Variants in CYP4F22 observed in about 807,000 individuals in gnomAD.
CYP4F22 encodes the protein ultra-long-chain fatty acid omega-hydroxylase.
CYP4F22 carries 37 observed loss-of-function variants against 60.4 expected under a neutral mutation model. The ratio of observed to expected loss-of-function variants is 0.61; its 90% CI spans 0.47 to 0.81. The LOEUF is 0.81. CYP4F22 is among the 30% of genes least tolerant of loss of function. CYP4F22 has a pLI of 0.00. For synonymous variants in CYP4F22, 258 were observed against 280.5 expected, an observed-to-expected ratio of 0.92 and a Z score of 0.80; for missense variants, 655 against 715.0, an observed-to-expected ratio of 0.92 and a Z score of 0.96.
intron 10 of CYP4F22, among the ~76,000 whole-genome samples, chr19:15,547,042 A>C (rs1361411125): frequency 4.1e-5 from 1 of 24,204 alleles, no homozygotes; most frequent in East Asian, 5.7e-3. Flanking sequence ...TTTTTTTTTA[A>C]GACAAGAGTC....
intron 4 of CYP4F22, among the ~76,000 whole-genome samples, chr19:15,530,253 T>C (rs1408782698): frequency 6.6e-6 from 1 of 152,204 alleles, no homozygotes; most frequent in Non-Finnish European, 1.5e-5. Flanking sequence ...TTGGGCTGAC[T>C]CTGACTGGCA....
In CYP4F22 at chr19:15,537,590, G is replaced by A; in HGVS notation, c.477G>A (p.Leu159=). The A allele has an allele frequency of 6.2e-7, 1 of 1,614,174 alleles. No individual in the cohort carries two copies. Among genetic ancestry groups the A allele is most frequent in the Non-Finnish European group, 8.5e-7 (1 of 1,180,040 alleles). ...AGTGGAGCCGGCACCGTCGCCTGCT[G>A]ACACCCGCCTTCCACTTTGACATCC... ...GDKWSRHRRL[L]TPAFHFDILK... is the part of the protein sequence containing the mutation. Residue 159 remains leucine (L), a synonymous_variant, in exon 6 of 14, where the codon CTG becomes CTA. Transcript: ENST00000269703.
Position 15,551,332 on chromosome 19 carries a change from G to C in CYP4F22, c.1457G>C (p.Arg486Pro). The C allele has an allele frequency of 6.2e-7, 1 of 1,613,532 alleles. No individual in the cohort carries two copies. The highest frequency in any genetic ancestry group is 1.3e-5 in the African/African-American group (1 of 75,044). Residue 486 changes from arginine to proline, a missense_variant, in exon 14 of 14, where the codon CGC (arginine) becomes CCC (proline). By Grantham distance (103) the Arg-to-Pro change is moderately radical. Coordinates refer to ENST00000269703, the MANE Select transcript of CYP4F22 (RefSeq NM_173483.4). ...IGQSFAMAEL[R>P]VVVALTLLRF... ...CAGAGCTTCGCCATGGCCGAGTTGC[G>C]CGTGGTTGTGGCACTAACACTGCTA...
Position 15,551,352 on chromosome 19 carries a change from C to T in CYP4F22, c.1477C>T (p.Leu493=). The T allele has an allele frequency of 3.7e-6, 6 of 1,613,498 alleles. No homozygotes were observed. Among genetic ancestry groups the T allele is most frequent in the Non-Finnish European group, 4.2e-6 (5 of 1,179,750 alleles). ...GTTGCGCGTGGTTGTGGCACTAACA[C>T]TGCTACGTTTCCGCCTGAGCGTGGA... The part of the protein sequence containing the change: ...AELRVVVALT[L]LRFRLSVDRT... The change falls in exon 14 of 14, where the codon CTG becomes TTG. Residue 493 remains leucine, a synonymous_variant. Transcript: ENST00000269703.
intron 8 of CYP4F22, among the ~76,000 whole-genome samples, chr19:15,543,518 A>G (rs537121568): frequency 1.3e-5 from 2 of 152,206 alleles, no homozygotes; most frequent in South Asian, 4.1e-4. Context: ...GACAAGTTGC[A>G]TACTTCCATC....
chr19:15,518,711 G>T (rs1238749625), intron 1 of CYP4F22, among the ~76,000 whole-genome samples: 1 of 143,148 alleles, frequency 7.0e-6, no homozygotes, highest in East Asian at 2.0e-4. Context: ...AAGAAAAACC[G>T]TGAAAACAAA....
At chr19:15,533,576 G>A (rs1971365375) in intron 4 of CYP4F22, among the ~76,000 whole-genome samples, 1 of 149,984 alleles carries the variant, frequency 6.7e-6, no homozygotes, top group Non-Finnish European at 1.5e-5. Flanking sequence ...CGTTGTAGTA[G>A]GAATCAGTTT....
chr19:15,531,267 C>G (rs768701315), intron 4 of CYP4F22, among the ~76,000 whole-genome samples: 5 of 151,864 alleles, frequency 3.3e-5, no homozygotes, highest in Non-Finnish European at 5.9e-5. Flanking sequence ...GCAGTCCCAG[C>G]TACTCAGGAG....
chr19:15,540,573 G>T lies in CYP4F22; in HGVS notation c.795G>T (p.Arg265=). The T allele has an allele frequency of 1.2e-6, 2 of 1,614,224 alleles. No homozygotes were observed. Among genetic ancestry groups the T allele is most frequent in the Non-Finnish European group, 1.7e-6 (2 of 1,180,046 alleles). The part of the protein sequence containing the change: ...YYRSADGRRF[R]QACDMVHHFT... The stretch of plus-strand genomic sequence containing the variant: ...GCTCGGCGGATGGGCGGAGGTTCCG[G>T]CAGGCCTGTGACATGGTGCACCACT... Residue 265 remains arginine (R), a synonymous_variant, in exon 8 of 14, where the codon CGG becomes CGT. Transcript: ENST00000269703.
At chr19:15,539,281 G>A (rs1475745444) in intron 7 of CYP4F22, among the ~76,000 whole-genome samples, 1 of 152,120 alleles carries the variant, frequency 6.6e-6, no homozygotes, top group African/African-American at 2.4e-5. Context: ...ATTTCACACG[G>A]ATGGAATCAT....
intron 1 of CYP4F22, among the ~76,000 whole-genome samples, chr19:15,523,434 A>G (rs1971247078): frequency 6.6e-6 from 1 of 152,164 alleles, no homozygotes; most frequent in Non-Finnish European, 1.5e-5. Flanking sequence ...AGACAGCGCC[A>G]AGGGGATGGT....
At chr19:15,512,051 C>T (rs1971098892) in intron 1 of CYP4F22, among the ~76,000 whole-genome samples, 1 of 152,204 alleles carries the variant, frequency 6.6e-6, no homozygotes, top group Non-Finnish European at 1.5e-5. Flanking sequence ...AGGGTGTCAC[C>T]TTTGAATTGC....
intron 11 of CYP4F22, among the ~76,000 whole-genome samples, chr19:15,548,493 G>A (rs1465576467): frequency 6.6e-6 from 1 of 152,180 alleles, no homozygotes; most frequent in Non-Finnish European, 1.5e-5. Context: ...TGCAGTTGGG[G>A]AGGGTCAGTT....
At chr19:15,516,269 C>T (rs1971154152) in intron 1 of CYP4F22, among the ~76,000 whole-genome samples, 2 of 152,234 alleles carry the variant, frequency 1.3e-5, no homozygotes, top group Non-Finnish European at 2.9e-5. Flanking sequence ...TCCCAGCTCG[C>T]AGCCCATGCC....
At chr19:15,516,489 C>T (rs1266668624) in intron 1 of CYP4F22, among the ~76,000 whole-genome samples, 1 of 152,194 alleles carries the variant, frequency 6.6e-6, no homozygotes, top group African/African-American at 2.4e-5. Flanking sequence ...AATTGCTTCC[C>T]TCCTTTGTTC....
chr19:15,510,966 A>ATATATATATATATATATTTTTTTTTT (rs34055543), intron 1 of CYP4F22, among the ~76,000 whole-genome samples: 2 of 103,334 alleles, frequency 1.9e-5, no homozygotes, highest in African/African-American at 9.2e-5. Context: ...ATATATATAT[A>ATATATATATATATATATTTTTTTTTT]TTTTTTTTTT....
At chr19:15,520,511 G>C (rs193239049) in intron 1 of CYP4F22, among the ~76,000 whole-genome samples, 11 of 151,650 alleles carry the variant, frequency 7.3e-5, no homozygotes, top group Admixed American at 7.2e-4. Context: ...ACAATGAATG[G>C]AGGCAATACT....
intron 4 of CYP4F22, among the ~76,000 whole-genome samples, chr19:15,531,011 G>A (rs1971337201): frequency 6.6e-6 from 1 of 152,098 alleles, no homozygotes. Context: ...GGAAGCTGAG[G>A]CAGGAGGGTT....
chr19:15,510,966 A>ATATATATATATATTTTT (rs34055543), intron 1 of CYP4F22, among the ~76,000 whole-genome samples: 45 of 103,292 alleles, frequency 4.4e-4, no homozygotes, highest in Non-Finnish European at 7.1e-4. Flanking sequence ...ATATATATAT[A>ATATATATATATATTTTT]TTTTTTTTTT....
Sources: allele counts gnomAD v4.1 joint callset (sites outside exome capture counted in the v4.1 genomes callset), GRCh38; gene constraint gnomAD v4.1.1; transcripts MANE v1.5; gene names NCBI Gene and HGNC (gene_info 2026-07-23, HGNC 2026-07-21).